Variants in GGA3 observed in about 807,000 individuals in gnomAD.
The protein encoded by GGA3 is ADP-ribosylation factor-binding protein GGA3.
Under a neutral mutation model 77.5 loss-of-function variants are expected in GGA3, and 57 were observed. The ratio of observed to expected loss-of-function variants is 0.74; its 90% CI spans 0.59 to 0.92. GGA3 has a LOEUF of 0.92. GGA3 is among the 40% of genes least tolerant of loss of function. GGA3 has a pLI of 0.00. For missense variants in GGA3, 970 were observed against 914.9 expected (o/e 1.06, Z -0.78); for synonymous variants, 416 against 383.7 (o/e 1.08, Z -0.98).
At chr17:75,249,704 T>C (rs1247143423) in intron 1 of GGA3, among the ~76,000 whole-genome samples, 1 of 152,184 alleles carries the variant, frequency 6.6e-6, no homozygotes, top group African/African-American at 2.4e-5. Flanking sequence ...GGAACAGTCA[T>C]ACACCTTGTG....
At chr17:75,257,654 T>C (rs55790364) in intron 1 of GGA3, among the ~76,000 whole-genome samples, 25,037 of 151,984 alleles carry the variant, frequency 0.16, 2,677 homozygotes, top group Middle Eastern at 0.28. Context: ...ACGACAAATG[T>C]TTCTTCTAAC....
At chr17:75,261,898 A>G, upstream of GGA3, 4 of 1,608,440 alleles carry the variant, frequency 2.5e-6, no homozygotes, top group Non-Finnish European at 3.4e-6. Context: ...GTGGCCAGCC[A>G]AGATGGCTGC....
rs749446890 is a variant in GGA3 at position 75,244,631 on chromosome 17, G to A, written c.288C>T (p.Val96=). The change falls in exon 4 of 17, where the codon GTC becomes GTT. Residue 96 remains valine, a synonymous_variant. Transcript: ENST00000537686. ...KFRFLNELIK[V]VSPKYLGDRV... ...GCCGCTGACTGACCTTTGGAGAGAC[G>A]ACTTTGATTAACTCATTCAAAAAGC... 5 of 1,608,890 alleles carry A rather than the reference G, an allele frequency of 3.1e-6. No homozygotes were observed. Among genetic ancestry groups the A allele is most frequent in the Admixed American group, 3.3e-5 (2 of 60,024 alleles).
intron 3 of GGA3, among the ~76,000 whole-genome samples, chr17:75,246,206 C>T (rs1054787693): frequency 5.9e-5 from 9 of 152,228 alleles, no homozygotes; most frequent in South Asian, 2.1e-4. Flanking sequence ...CCTTCTCTTG[C>T]GCCACATGGG....
chr17:75,260,191 C>T (rs548615004), intron 1 of GGA3, among the ~76,000 whole-genome samples: 4 of 152,270 alleles, frequency 2.6e-5, no homozygotes, highest in African/African-American at 9.6e-5. Flanking sequence ...CTAAATGTAG[C>T]CTATTAAACT....
chr17:75,242,733 G>C, intron 7 of GGA3, 98 bp downstream of exon 7: 2 of 1,083,566 alleles, frequency 1.8e-6, no homozygotes, highest in Non-Finnish European at 2.8e-6. Context: ...GCTGGCAGCA[G>C]GGGAGAACAA....
chr17:75,243,555 C>A lies in GGA3; in HGVS notation c.316G>T (p.Val106Leu). ...VVSPKYLGDR[V>L]SEKVKTKVIE... ...ACCTTGGTCTTCACTTTCTCAGACA[C>A]CCTGTCCCCCAGGTACTACATGGCA... Residue 106 changes from valine to leucine, a missense_variant, in exon 5 of 17, where the codon GTG (valine) becomes TTG (leucine). Coordinates refer to ENST00000537686, the MANE Select transcript of GGA3 (RefSeq NM_138619.4). 6.2e-7 allele frequency: 1 copy of A among 1,614,074 alleles called. No individual in the cohort carries two copies. The highest frequency in any genetic ancestry group is 8.5e-7 in the Non-Finnish European group (1 of 1,179,988).
Position 75,241,038 on chromosome 17 carries a change from G to T in GGA3, c.966C>A (p.Asn322Lys), listed in dbSNP as rs745817823. Residue 322 changes from asparagine (N) to lysine (K), a missense_variant, in exon 11 of 17, where the codon AAC becomes AAA. Transcript: ENST00000537686. ...CCGCAAGGTCGATGAGCGTGCCTTGGTTACTGCACTGACTGTTTCCTGGAT... is the reference window on the plus strand; with the variant it reads ...CCGCAAGGTCGATGAGCGTGCCTTGTTTACTGCACTGACTGTTTCCTGGAT... ...PDSEGNSQCS[N>K]QGTLIDLAEL... is the part of the protein sequence containing the mutation. 14 of 1,614,112 alleles carry T rather than the reference G, an allele frequency of 8.7e-6. No individual in the cohort carries two copies. The South Asian group carries it at 1.2e-4, about 14-fold the overall frequency.
At chr17:75,260,850 C>T (rs2077336022) in intron 1 of GGA3, among the ~76,000 whole-genome samples, 1 of 151,892 alleles carries the variant, frequency 6.6e-6, no homozygotes, top group South Asian at 2.1e-4. Flanking sequence ...TCAGACTGTG[C>T]TCCTCAGCCT....
At chr17:75,249,460 A>G (rs979559176) in intron 1 of GGA3, among the ~76,000 whole-genome samples, 3 of 152,260 alleles carry the variant, frequency 2.0e-5, no homozygotes, top group African/African-American at 7.2e-5. Flanking sequence ...AAGGGTAGCC[A>G]TTTGGAAAGA....
At chr17:75,240,649 T>C in intron 11 of GGA3, 163 bp downstream of exon 11, 1 of 818,012 alleles carries the variant, frequency 1.2e-6, no homozygotes, top group Non-Finnish European at 1.9e-6. Context: ...AGGATGGCCC[T>C]GGGGCCCTCA....
At chr17:75,248,468 CAAAAAAAAAA>C (rs59182526) in intron 1 of GGA3, among the ~76,000 whole-genome samples, 9 of 19,776 alleles carry the variant, frequency 4.6e-4, no homozygotes, top group Non-Finnish European at 6.1e-4. Flanking sequence ...GACTCCGTCT[CAAAAAAAAAA>C]AAAAAAAAAA....
chr17:75,241,459 ATTGTT>A lies in GGA3; in HGVS notation c.882_886del (p.Lys294AsnfsTer3). 1 of 1,614,052 alleles carries A rather than the reference ATTGTT, an allele frequency of 6.2e-7. No individual in the cohort carries two copies. The highest frequency in any genetic ancestry group is 1.1e-5 in the South Asian group (1 of 91,086). ...GCCATTGATGACCTGCCCTTCAATA[ATTGTT>A]TTGTAAGAGTTGATGACCCGGGAGA... On this transcript the variant is annotated frameshift_variant, in exon 10 of 17. Coordinates refer to ENST00000537686, the MANE Select transcript of GGA3 (RefSeq NM_138619.4). LOFTEE classifies it high-confidence loss of function.
At position 75,259,839 on chromosome 17, in the gene GGA3, T is replaced by C. The variant is rs377739114; in HGVS notation, c.40+1709A>G. On this transcript the variant is annotated intron_variant, in intron 1 of 16. Transcript: ENST00000537686. ...CCATGTGACTCCCCCCCACCAAGTG[T>C]GTCCCTCTCATTTCATAATGTGACT... Among the ~76,000 whole-genome samples, 7 of 152,328 alleles carry C rather than the reference T, an allele frequency of 4.6e-5. No homozygotes were observed. In the East Asian group the frequency reaches 1.2e-3, roughly 25 times the overall value.
chr17:75,238,895 C>T lies in GGA3; in HGVS notation c.1950+19G>A. On this transcript the variant is annotated intron_variant, in intron 15 of 16. Coordinates refer to ENST00000537686, the MANE Select transcript of GGA3 (RefSeq NM_138619.4). ...AGGGTCAAGATAAGGCCGTTTTGGC[C>T]CCAGGGAGACACTGGTACCTTGGGC... The T allele has an allele frequency of 6.2e-7, 1 of 1,612,284 alleles. No homozygotes were observed. The highest frequency in any genetic ancestry group is 1.1e-5 in the South Asian group (1 of 90,984).
At chr17:75,251,772 CCTTTTTTTTT>C (rs1258950369) in intron 1 of GGA3, among the ~76,000 whole-genome samples, 2 of 145,010 alleles carry the variant, frequency 1.4e-5, no homozygotes, top group Non-Finnish European at 3.0e-5. Context: ...TTTTCTTCTT[CCTTTTTTTTT>C]CTTTTTTGAG....
intron 4 of GGA3, among the ~76,000 whole-genome samples, chr17:75,243,932 G>A (rs1213816076): frequency 1.3e-5 from 2 of 152,128 alleles, no homozygotes; most frequent in Non-Finnish European, 2.9e-5. Flanking sequence ...AGGGCCGGAT[G>A]GAAACCTGAG....
intron 4 of GGA3, 67 bp downstream of exon 4, chr17:75,244,552 G>C (rs765544318): frequency 2.5e-5 from 24 of 968,990 alleles, no homozygotes; most frequent in Non-Finnish European, 3.7e-5. Flanking sequence ...GTGAAAGCCA[G>C]TATGATGGGA....
intron 1 of GGA3, 118 bp downstream of exon 1, chr17:75,261,430 G>T: frequency 1.3e-6 from 1 of 751,578 alleles, no homozygotes; most frequent in South Asian, 3.5e-5. Context: ...CGGCGAGGGC[G>T]AGACCGGGCG....
Sources: allele counts gnomAD v4.1 joint callset (sites outside exome capture counted in the v4.1 genomes callset), GRCh38; gene constraint gnomAD v4.1.1; transcripts MANE v1.5; gene names NCBI Gene and HGNC (gene_info 2026-07-23, HGNC 2026-07-21).